Variants in HDAC9 observed in about 807,000 individuals in gnomAD.
The protein encoded by HDAC9 is MEF-2 interacting transcription repressor (MITR) protein.
In HDAC9, 41 loss-of-function variants were observed where a neutral mutation model predicts 139.4. The ratio of observed to expected loss-of-function variants is 0.29; its 90% CI spans 0.23 to 0.38. HDAC9 has a LOEUF of 0.38. HDAC9 is among the 10% of genes least tolerant of loss of function. HDAC9 has a pLI of 1.00. For synonymous variants in HDAC9, 517 were observed against 476.2 expected (o/e 1.09, Z -1.12); for missense variants, 1,147 against 1,297.0 (o/e 0.88, Z 1.78).
intron 1 of HDAC9, among the ~76,000 whole-genome samples, chr7:18,387,313 T>G (rs1694145790): frequency 6.6e-6 from 1 of 152,194 alleles, no homozygotes; most frequent in African/African-American, 2.4e-5. Flanking sequence ...GTGAGGAGTT[T>G]TGCATATAAA....
intron 16 of HDAC9, among the ~76,000 whole-genome samples, chr7:18,779,866 A>G (rs1791094920): frequency 6.6e-6 from 1 of 151,992 alleles, no homozygotes; most frequent in Non-Finnish European, 1.5e-5. Flanking sequence ...TATCCAACTA[A>G]TAGTCTACCA....
intron 2 of HDAC9, among the ~76,000 whole-genome samples, chr7:18,220,106 T>C (rs1792592508): frequency 6.6e-6 from 1 of 152,190 alleles, no homozygotes; most frequent in Non-Finnish European, 1.5e-5. Flanking sequence ...ATGTGTACTA[T>C]TCTTAACATA....
intron 22 of HDAC9, among the ~76,000 whole-genome samples, chr7:18,926,503 T>G (rs1804241100): frequency 6.6e-6 from 1 of 152,172 alleles, no homozygotes; most frequent in African/African-American, 2.4e-5. Context: ...GTAATATAAC[T>G]GAGGTTCAAA....
At chr7:18,825,623 A>G (rs1728217248) in intron 17 of HDAC9, among the ~76,000 whole-genome samples, 1 of 151,898 alleles carries the variant, frequency 6.6e-6, no homozygotes, top group South Asian at 2.1e-4. Flanking sequence ...CACCTTTTCA[A>G]GAATGTTGAC....
At chr7:18,288,337 G>A (rs550445574), upstream of HDAC9, among the ~76,000 whole-genome samples, 4 of 152,322 alleles carry the variant, frequency 2.6e-5, no homozygotes, top group East Asian at 3.9e-4. Context: ...GCCTTGGCAT[G>A]TTATCTAGAC....
intron 1 of HDAC9, among the ~76,000 whole-genome samples, chr7:18,447,371 AT>A (rs1585975015): frequency 1.3e-5 from 2 of 152,034 alleles, no homozygotes; most frequent in African/African-American, 2.4e-5. Context: ...TTCATTTACC[AT>A]TTTTTTACTT....
At chr7:18,234,533 A>G (rs977728973) in intron 2 of HDAC9, among the ~76,000 whole-genome samples, 1 of 152,200 alleles carries the variant, frequency 6.6e-6, no homozygotes, top group African/African-American at 2.4e-5. Context: ...ACTGAGTATT[A>G]TATGTACAAC....
At chr7:18,367,590 C>T (rs1016758704) in intron 1 of HDAC9, among the ~76,000 whole-genome samples, 2 of 152,056 alleles carry the variant, frequency 1.3e-5, no homozygotes, top group African/African-American at 4.8e-5. Context: ...CTCATTTCCT[C>T]TTGATAGGCA....
At chr7:18,666,655 C>T in intron 12 of HDAC9, 179 bp downstream of exon 12, 1 of 1,392,352 alleles carries the variant, frequency 7.2e-7, no homozygotes. Flanking sequence ...ATATAGAGGT[C>T]TTTCTATATA....
intron 13 of HDAC9, among the ~76,000 whole-genome samples, chr7:18,743,606 C>CAAA (rs35338088): frequency 8.5e-6 from 1 of 117,190 alleles, no homozygotes; most frequent in Non-Finnish European, 1.8e-5. Context: ...GACTGCGTCT[C>CAAA]AAAAAAAAAA....
At chr7:18,171,803 T>A (rs1173042942) in intron 2 of HDAC9, among the ~76,000 whole-genome samples, 45 of 152,242 alleles carry the variant, frequency 3.0e-4, no homozygotes, top group African/African-American at 1.1e-3. Context: ...AGCCAACTTG[T>A]TCGTGGTGGA....
At chr7:18,295,493 T>C (rs1193477564) in intron 1 of HDAC9, among the ~76,000 whole-genome samples, 2 of 152,246 alleles carry the variant, frequency 1.3e-5, no homozygotes, top group South Asian at 2.1e-4. Flanking sequence ...TGAATAAATA[T>C]ATGAAGACAA....
intron 2 of HDAC9, among the ~76,000 whole-genome samples, chr7:18,546,417 A>G (rs915675043): frequency 6.6e-6 from 1 of 152,158 alleles, no homozygotes; most frequent in African/African-American, 2.4e-5. Context: ...GAACTCTCCA[A>G]GTTCTTATGA....
At chr7:18,541,991 C>G (rs1048623849) in intron 2 of HDAC9, among the ~76,000 whole-genome samples, 3 of 152,086 alleles carry the variant, frequency 2.0e-5, no homozygotes, top group African/African-American at 7.2e-5. Context: ...CTGGCCAGTT[C>G]TTTGTTGTGG....
intron 1 of HDAC9, among the ~76,000 whole-genome samples, chr7:18,468,127 T>A (rs551276727): frequency 6.6e-6 from 1 of 152,178 alleles, no homozygotes; most frequent in South Asian, 2.1e-4. Context: ...GCTGAGGTAA[T>A]GTTTGCTAGA....
chr7:18,096,267 A>G (rs1360124997), intron 1 of HDAC9, among the ~76,000 whole-genome samples: 1 of 152,150 alleles, frequency 6.6e-6, no homozygotes, highest in African/African-American at 2.4e-5. Context: ...TGCCTGTGCT[A>G]CCCAGTGTTC....
At chr7:18,568,659 A>G (rs1481650318) in intron 2 of HDAC9, among the ~76,000 whole-genome samples, 1 of 152,180 alleles carries the variant, frequency 6.6e-6, no homozygotes, top group African/African-American at 2.4e-5. Context: ...TTTAGATGAA[A>G]TACACTATGA....
intron 17 of HDAC9, among the ~76,000 whole-genome samples, chr7:18,823,976 A>AAAGAAG (rs57608252): frequency 6.7e-6 from 1 of 148,566 alleles, no homozygotes; most frequent in African/African-American, 2.5e-5. Context: ...AGACCCTGTG[A>AAAGAAG]AAGAAGAAGA....
At chr7:18,651,647 A>G (rs956718736) in intron 11 of HDAC9, among the ~76,000 whole-genome samples, 3 of 151,878 alleles carry the variant, frequency 2.0e-5, no homozygotes, top group Non-Finnish European at 2.9e-5. Flanking sequence ...ATATCTTGCT[A>G]TTATTTTAAT....
Sources: allele counts gnomAD v4.1 joint callset (sites outside exome capture counted in the v4.1 genomes callset), GRCh38; gene constraint gnomAD v4.1.1; transcripts MANE v1.5; gene names NCBI Gene and HGNC (gene_info 2026-07-23, HGNC 2026-07-21).